RARA: variants seen among roughly 807,000 people sequenced by gnomAD.
The protein encoded by RARA is PML-DDX5-RARA fusion.
RARA carries 5 observed loss-of-function variants against 42.8 expected under a neutral mutation model. The ratio of observed to expected loss-of-function variants is 0.12; its 90% CI spans 0.06 to 0.25. RARA has a LOEUF of 0.25. RARA is among the 10% of genes least tolerant of loss of function. RARA has a pLI of 1.00. For synonymous variants in RARA, 256 were observed against 259.5 expected, an observed-to-expected ratio of 0.99 and a Z score of 0.13; for missense variants, 402 against 628.7, an observed-to-expected ratio of 0.64 and a Z score of 3.86.
At chr17:40,342,984 A>C in intron 2 of RARA, 1 of 1,467,320 alleles carries the variant, frequency 6.8e-7, no homozygotes, top group Non-Finnish European at 9.0e-7. Context: ...TCTACCTTTC[A>C]CTTAACCCGT....
chr17:40,311,684 T>G (rs868235360), intron 1 of RARA, among the ~76,000 whole-genome samples: 4 of 152,212 alleles, frequency 2.6e-5, no homozygotes, highest in African/African-American at 9.6e-5. Flanking sequence ...GCGCCAGGAC[T>G]CCTGGGTTTC....
intron 2 of RARA, chr17:40,342,656 G>A (rs746461208): frequency 6.4e-6 from 10 of 1,564,518 alleles, no homozygotes; most frequent in Non-Finnish European, 8.7e-6. Flanking sequence ...AGTGACGGGG[G>A]CGGCGCGCAG....
chr17:40,319,779 G>A (rs2033321785), intron 1 of RARA, among the ~76,000 whole-genome samples: 1 of 152,124 alleles, frequency 6.6e-6, no homozygotes. Flanking sequence ...CCCCGGGTTG[G>A]AGTGGGGGTG....
At chr17:40,327,442 C>T (rs1361833452) in intron 1 of RARA, among the ~76,000 whole-genome samples, 1 of 152,174 alleles carries the variant, frequency 6.6e-6, no homozygotes, top group African/African-American at 2.4e-5. Flanking sequence ...ATGGGCTGGG[C>T]CCACAGGGAG....
chr17:40,312,870 C>G (rs190083167), intron 1 of RARA, among the ~76,000 whole-genome samples: 2 of 152,332 alleles, frequency 1.3e-5, no homozygotes, highest in Admixed American at 1.3e-4. Context: ...CAGGCCCTCC[C>G]TTTGCACCAT....
At position 40,349,681 on chromosome 17, in the gene RARA, G is replaced by A. The variant is rs571460800; in HGVS notation, c.328-103G>A. ...AGGTAGGCGATGGGCAAACGCTTGG[G>A]GGCAGCAGCTGGCCTGGCCCTCCTC... On this transcript the variant is annotated intron_variant, in intron 3 of 8. Coordinates refer to ENST00000254066, the MANE Select transcript of RARA (RefSeq NM_000964.4). 79 of 1,463,236 alleles carry A rather than the reference G, an allele frequency of 5.4e-5. No individual in the cohort carries two copies. In the East Asian group the frequency reaches 1.7e-3, roughly 32 times the overall value. 90.6% of individuals were successfully genotyped at this position (1,463,236 alleles called of 1,614,324 possible). A position where few individuals can be genotyped will look rare whatever the true frequency, so the allele number is the denominator to read the frequency against.
rs917081443 is a variant in RARA, at chr17:40,342,673, C to T, written c.179-5643C>T. 2.5e-6 allele frequency: 4 copies of T among 1,594,400 alleles called. No individual in the cohort carries two copies. In the African/African-American group the frequency reaches 4.0e-5, roughly 16 times the overall value. ...TGACGGGGGCGGCGCGCAGGACTTC[C>T]CAGCTCGGACCTCTTGCCTTCGAGG... On this transcript the variant is annotated intron_variant, in intron 2 of 8. Coordinates refer to ENST00000254066, the MANE Select transcript of RARA (RefSeq NM_000964.4).
intron 2 of RARA, among the ~76,000 whole-genome samples, chr17:40,332,233 C>T (rs896711967): frequency 4.6e-5 from 7 of 151,976 alleles, no homozygotes; most frequent in Non-Finnish European, 7.4e-5. Context: ...CCCAGCTGGG[C>T]GCCAGGCCAG....
At position 40,354,527 on chromosome 17, in the gene RARA, T is replaced by TG; in HGVS notation, c.1012+26dup. The TG allele has an allele frequency of 1.1e-6, 1 of 924,994 alleles. No individual in the cohort carries two copies. The allele number at this position is 924,994 out of a possible 1,614,324, so 57.3% of individuals were successfully genotyped here. ...CGGAGGTGGGCAGGGGGCCTGGGTC[T>TG]GGGGGCTGGGCTGGGACGGGGGTGC... On this transcript the variant is annotated intron_variant, in intron 7 of 8. Coordinates refer to ENST00000254066, the MANE Select transcript of RARA (RefSeq NM_000964.4). The surrounding 1 kb of genome is among the most constrained non-coding windows in gnomAD (Gnocchi z 4.5).
chr17:40,331,513 G>GTC, intron 2 of RARA, 117 bp downstream of exon 2: 1 of 1,231,090 alleles, frequency 8.1e-7, no homozygotes, highest in Non-Finnish European at 1.1e-6. Context: ...GAGCGACAAG[G>GTC]TCTTCTCCAG....
chr17:40,356,331 C>T lies in RARA; in HGVS notation c.*105C>T, dbSNP rs746653550. 44 of 1,258,280 alleles carry T rather than the reference C, an allele frequency of 3.5e-5. No homozygotes were observed. The highest frequency in any genetic ancestry group is 8.9e-5 in the South Asian group (7 of 78,418). 77.9% of individuals were successfully genotyped at this position (1,258,280 alleles called of 1,614,324 possible). ...CCAGCCCTGCCCCCACCTGCCCTCC[C>T]GGGCAGTACTGGGGACCTTCCCTGG... On this transcript the variant is annotated 3_prime_UTR_variant, in exon 9 of 9. Coordinates refer to ENST00000254066, the MANE Select transcript of RARA (RefSeq NM_000964.4).
chr17:40,344,232 G>A (rs972415565), intron 2 of RARA, among the ~76,000 whole-genome samples: 2 of 152,042 alleles, frequency 1.3e-5, no homozygotes, highest in Admixed American at 1.3e-4. Context: ...TTCTATCCCA[G>A]CTTTTCCTAT....
rs976474384 is a variant in RARA at position 40,349,832 on chromosome 17, C to T, written c.376C>T (p.Arg126Trp). The change falls in exon 4 of 9, where the codon CGG (arginine) becomes TGG (tryptophan). Residue 126 changes from arginine (R) to tryptophan (W), a missense_variant. Transcript: ENST00000254066. ...IQKNMVYTCH[R>W]DKNCIINKVT... The stretch of plus-strand genomic sequence containing the variant: ...GAAGAACATGGTGTACACGTGTCAC[C>T]GGGACAAGAACTGCATCATCAACAA... The T allele has an allele frequency of 5.0e-6, 8 of 1,614,062 alleles. No individual in the cohort carries two copies. The highest frequency in any genetic ancestry group is 2.7e-5 in the African/African-American group (2 of 74,920).
Position 40,351,980 on chromosome 17 carries a change from G to C in RARA, c.540G>C (p.Leu180=). 6.2e-7 allele frequency: 1 copy of C among 1,606,684 alleles called. No individual in the cohort carries two copies. The change falls in exon 5 of 9, where the codon CTG becomes CTC. Residue 180 remains leucine (L), a synonymous_variant. Transcript: ENST00000254066. This position sits in a 1 kb window ranked among gnomAD's most constrained non-coding sequence, Gnocchi z 4.1. ...PKPECSESYT[L]TPEVGELIEK... is the part of the protein sequence containing the mutation. ...CCGAGTGCTCTGAGAGCTACACGCT[G>C]ACGCCGGAGGTGGGGGAGCTCATTG...
chr17:40,342,156 G>C, intron 2 of RARA: 3 of 1,049,756 alleles, frequency 2.9e-6, no homozygotes, highest in Non-Finnish European at 3.5e-6. Context: ...TGGGGTGGGG[G>C]GGCCGTGGCG....
intron 1 of RARA, among the ~76,000 whole-genome samples, chr17:40,330,617 A>G (rs1440389987): frequency 6.6e-6 from 1 of 152,040 alleles, no homozygotes; most frequent in Non-Finnish European, 1.5e-5. Context: ...TGTGGGTGAG[A>G]GGCCCTCCAA....
In RARA at chr17:40,352,831, T is replaced by TC. The variant is rs2034497442; in HGVS notation, c.807+324_807+325insC. 2.0e-5 allele frequency among the ~76,000 whole-genome samples: 3 copies of TC among 152,124 alleles called. No homozygotes were observed. The South Asian group carries it at 6.2e-4, about 32-fold the overall frequency. ...GGCTCATACCTGTAATCCCAGCACTTTGGGAGGCCGAGCGAGGCAGGAGGA... is the reference window on the plus strand; with the variant it reads ...GGCTCATACCTGTAATCCCAGCACTTCTGGGAGGCCGAGCGAGGCAGGAGGA... On this transcript the variant is annotated intron_variant, in intron 6 of 8. Transcript: ENST00000254066. The surrounding 1 kb of genome is among the most constrained non-coding windows in gnomAD (Gnocchi z 4.9).
At chr17:40,309,513 C>T (rs1342996584) in intron 1 of RARA, among the ~76,000 whole-genome samples, 3 of 152,210 alleles carry the variant, frequency 2.0e-5, no homozygotes, top group African/African-American at 4.8e-5. Context: ...AGGCAGTTCC[C>T]GTTCTCTAGA....
chr17:40,341,852 C>A (rs2034060056), intron 2 of RARA: 1 of 1,042,164 alleles, frequency 9.6e-7, no homozygotes, highest in Non-Finnish European at 1.2e-6. Context: ...AGGACGCCCG[C>A]CCCTCTTCCG....
Sources: gnomAD v4.1 joint callset for allele counts (sites outside exome capture counted in the v4.1 genomes callset) on GRCh38, gnomAD v4.1.1 for gene constraint, Gnocchi (gnomAD v3.1) non-coding constraint, MANE v1.5 for transcripts, NCBI Gene and HGNC (gene_info 2026-07-23, HGNC 2026-07-21) for gene names.